The following SAE1 variants were observed in gnomAD, a reference collection of about 807,000 sequenced individuals.
SAE1 encodes the protein SUMO1 activating enzyme subunit 1.
A neutral mutation model predicts 40.6 loss-of-function variants in SAE1; 11 were observed. The ratio of observed to expected loss-of-function variants is 0.27; its 90% CI spans 0.17 to 0.45. The LOEUF (loss-of-function observed/expected upper bound fraction) is 0.45, where lower values mean the gene tolerates loss of function less well. Ranked by LOEUF, SAE1 falls within the 20% of genes least tolerant of loss-of-function variation. SAE1 has a pLI of 1.00. For synonymous variants in SAE1, 155 were observed against 154.3 expected (o/e 1.00, Z -0.03); for missense variants, 373 against 427.3 (o/e 0.87, Z 1.12).
chr19:47,206,158 C>T (rs1394411425), intron 8 of SAE1, among the ~76,000 whole-genome samples: 2 of 152,226 alleles, frequency 1.3e-5, no homozygotes, highest in Non-Finnish European at 2.9e-5. Context: ...CTGGAGACAG[C>T]TGGTGCCCAG....
At position 47,157,619 on chromosome 19, in the gene SAE1, G is replaced by A. The variant is rs1016757451; in HGVS notation, c.627+2406G>A. Among the ~76,000 whole-genome samples the A allele has an allele frequency of 1.2e-4, 18 of 152,296 alleles. No homozygotes were observed. The East Asian group carries it at 2.1e-3, about 18-fold the overall frequency. On this transcript the variant is annotated intron_variant, in intron 5 of 8. Transcript: ENST00000270225. Reference sequence around the variant, plus strand: ...CCTCTTTTGGGAACCACTTTATCTCGCTATGAGGAGAATGTGGGCAGCCCA... The same window carrying A: ...CCTCTTTTGGGAACCACTTTATCTCACTATGAGGAGAATGTGGGCAGCCCA...
intron 5 of SAE1, among the ~76,000 whole-genome samples, chr19:47,165,949 T>G (rs1423538225): frequency 6.6e-6 from 1 of 152,212 alleles, no homozygotes; most frequent in Non-Finnish European, 1.5e-5. Context: ...ACATTTTCAG[T>G]TCCCAGGAGA....
intron 1 of SAE1, among the ~76,000 whole-genome samples, chr19:47,138,825 A>C (rs2058199087): frequency 6.6e-6 from 1 of 152,090 alleles, no homozygotes; most frequent in South Asian, 2.1e-4. Flanking sequence ...CAATCAAAAC[A>C]GTGGGCAACA....
chr19:47,164,760 T>C (rs748271001), intron 5 of SAE1, among the ~76,000 whole-genome samples: 2 of 148,332 alleles, frequency 1.3e-5, no homozygotes, highest in Non-Finnish European at 3.0e-5. Flanking sequence ...GCGATTCTCC[T>C]GCCTCAGCCT....
chr19:47,154,966 A>G lies in SAE1; in HGVS notation c.528-148A>G, dbSNP rs543029359. ...GTGTACCAGACTCATCATGTTATCA[A>G]TGGCAGAGCTCGATTTGAACCGAGA... On this transcript the variant is annotated intron_variant, in intron 4 of 8. Coordinates refer to ENST00000270225, the MANE Select transcript of SAE1 (RefSeq NM_005500.3). 1.4e-4 allele frequency: 89 copies of G among 628,590 alleles called. 1 individual carries two copies. Among genetic ancestry groups the G allele is most frequent in the African/African-American group, 8.4e-4 (46 of 54,698 alleles). 38.9% of individuals were successfully genotyped at this position (628,590 alleles called of 1,614,324 possible). A position where few individuals can be genotyped will look rare whatever the true frequency, so the allele number is the denominator to read the frequency against.
At chr19:47,151,209 G>C (rs1184323139) in intron 3 of SAE1, among the ~76,000 whole-genome samples, 1 of 151,148 alleles carries the variant, frequency 6.6e-6, no homozygotes, top group Non-Finnish European at 1.5e-5. Context: ...GAGTGCAATT[G>C]TGCGATCTTG....
intron 6 of SAE1, among the ~76,000 whole-genome samples, chr19:47,187,731 A>G (rs2058552495): frequency 6.6e-6 from 1 of 152,140 alleles, no homozygotes; most frequent in Non-Finnish European, 1.5e-5. Flanking sequence ...CATGTTGGCC[A>G]GGCTGGTCTC....
intron 7 of SAE1, among the ~76,000 whole-genome samples, chr19:47,203,440 G>T (rs987345035): frequency 1.3e-5 from 2 of 152,168 alleles, no homozygotes; most frequent in Non-Finnish European, 2.9e-5. Context: ...TAAAAGTATT[G>T]TGAAAGAATT....
rs371706724 is a variant in SAE1, at chr19:47,133,335, C to T, written c.98+2307C>T. ...CCGCCTCCCAGGTTCAAGCGATTCT[C>T]CTGCCTCACCTTCCTGAGTAGCTGG... On this transcript the variant is annotated intron_variant, in intron 1 of 8. Coordinates refer to ENST00000270225, the MANE Select transcript of SAE1 (RefSeq NM_005500.3). 2.2e-4 allele frequency among the ~76,000 whole-genome samples: 34 copies of T among 152,336 alleles called. 1 individual carries two copies. The highest frequency in any genetic ancestry group is 7.8e-4 in the Admixed American group (12 of 15,294).
intron 2 of SAE1, among the ~76,000 whole-genome samples, chr19:47,146,825 T>C (rs2058257719): frequency 6.6e-6 from 1 of 151,966 alleles, no homozygotes. Flanking sequence ...CTTGAGTGAC[T>C]GGGTGGGTGG....
At chr19:47,140,290 T>C (rs2058212708) in intron 1 of SAE1, among the ~76,000 whole-genome samples, 1 of 151,640 alleles carries the variant, frequency 6.6e-6, no homozygotes, top group African/African-American at 2.4e-5. Flanking sequence ...ATATTTTTAG[T>C]AGAGATAGGG....
intron 6 of SAE1, among the ~76,000 whole-genome samples, chr19:47,184,800 TTTG>T (rs1262775542): frequency 2.9e-5 from 2 of 70,068 alleles, no homozygotes; most frequent in Non-Finnish European, 4.3e-5. Flanking sequence ...TTGTTTTGTT[TTTG>T]TTTTGTTTTG....
intron 6 of SAE1, among the ~76,000 whole-genome samples, chr19:47,175,974 T>G (rs1163867912): frequency 6.6e-6 from 1 of 152,244 alleles, no homozygotes; most frequent in Non-Finnish European, 1.5e-5. Flanking sequence ...TCAAAGTTTT[T>G]GAAGGCAGAA....
chr19:47,157,065 A>G (rs552999223), intron 5 of SAE1, among the ~76,000 whole-genome samples: 1 of 152,378 alleles, frequency 6.6e-6, no homozygotes, highest in African/African-American at 2.4e-5. Flanking sequence ...TAAAGAGTGC[A>G]GAAACCACAA....
chr19:47,202,767 G>A (rs1427705715), intron 7 of SAE1, among the ~76,000 whole-genome samples: 3 of 151,872 alleles, frequency 2.0e-5, no homozygotes, highest in South Asian at 2.1e-4. Context: ...CAGAGTAGCC[G>A]GGCGTGGTGG....
At chr19:47,131,993 G>T (rs553312696) in intron 1 of SAE1, among the ~76,000 whole-genome samples, 2 of 151,856 alleles carry the variant, frequency 1.3e-5, no homozygotes, top group Admixed American at 6.6e-5. Context: ...GAGCCACCGC[G>T]CCAGGACGTC....
chr19:47,202,438 C>T (rs1452882215), intron 7 of SAE1, among the ~76,000 whole-genome samples: 4 of 151,830 alleles, frequency 2.6e-5, no homozygotes, highest in Non-Finnish European at 5.9e-5. Flanking sequence ...CAGGCTCACC[C>T]CACCACACCA....
At chr19:47,155,263 G>T in intron 5 of SAE1, 50 bp downstream of exon 5, 1 of 1,244,674 alleles carries the variant, frequency 8.0e-7, no homozygotes, top group African/African-American at 1.5e-5. Context: ...CCTTGGAGGG[G>T]TCAGGCAATG....
chr19:47,201,206 G>A (rs982783130), intron 7 of SAE1, among the ~76,000 whole-genome samples: 42 of 151,196 alleles, frequency 2.8e-4, no homozygotes, highest in Admixed American at 1.2e-3. Flanking sequence ...GTGCCACCAC[G>A]CCCGGCTAAT....
Sources: gnomAD v4.1 joint callset for allele counts (sites outside exome capture counted in the v4.1 genomes callset) on GRCh38, gnomAD v4.1.1 for gene constraint, MANE v1.5 for transcripts, NCBI Gene and HGNC (gene_info 2026-07-23, HGNC 2026-07-21) for gene names.